HEMK2: variants seen among roughly 807,000 people sequenced by gnomAD.
The protein encoded by HEMK2 is HemK methyltransferase 2, ETF1 glutamine and histone H4 lysine.
At chr21:28,764,515 C>T in the HEMK2 span, among the ~76,000 whole-genome samples, 1 of 152,076 alleles carries the variant, frequency 6.6e-6, no homozygotes, top group Non-Finnish European at 1.5e-5. Context: ...ACTTCTAGCA[C>T]ACTTATGTCT....
At chr21:28,605,904 T>G in the HEMK2 span, among the ~76,000 whole-genome samples, 1 of 152,210 alleles carries the variant, frequency 6.6e-6, no homozygotes, top group Non-Finnish European at 1.5e-5. Flanking sequence ...ATTGAAGGTA[T>G]CCATGATATT....
the HEMK2 span, among the ~76,000 whole-genome samples, chr21:28,647,427 G>T: frequency 7.1e-6 from 1 of 141,376 alleles, no homozygotes; most frequent in African/African-American, 2.6e-5. Context: ...AGAATTGCTT[G>T]AAACTGGAAG....
At chr21:28,626,132 G>GA in the HEMK2 span, among the ~76,000 whole-genome samples, 88 of 147,060 alleles carry the variant, frequency 6.0e-4, no homozygotes, top group East Asian at 9.2e-3. Context: ...ACTATTTAAA[G>GA]AAAAAAAAAA....
At chr21:28,697,113 T>C in the HEMK2 span, among the ~76,000 whole-genome samples, 2 of 152,222 alleles carry the variant, frequency 1.3e-5, no homozygotes, top group Non-Finnish European at 2.9e-5. Context: ...GTTATTAACA[T>C]TTGGTTCCTC....
the HEMK2 span, among the ~76,000 whole-genome samples, chr21:28,817,349 T>G: frequency 2.6e-5 from 4 of 151,928 alleles, no homozygotes; most frequent in Non-Finnish European, 5.9e-5. Context: ...TAATGTATAA[T>G]GAAGAGGAAG....
the HEMK2 span, among the ~76,000 whole-genome samples, chr21:28,840,096 A>T: frequency 6.6e-6 from 1 of 152,284 alleles, no homozygotes; most frequent in East Asian, 1.9e-4. Flanking sequence ...TGACAAAGTA[A>T]ACAAAAACAT....
chr21:28,799,014 C>A, the HEMK2 span, among the ~76,000 whole-genome samples: 1 of 152,194 alleles, frequency 6.6e-6, no homozygotes, highest in African/African-American at 2.4e-5. Flanking sequence ...TAAACTGACA[C>A]TGAACTGGTG....
chr21:28,732,614 G>A, the HEMK2 span, among the ~76,000 whole-genome samples: 2 of 152,214 alleles, frequency 1.3e-5, no homozygotes, highest in Non-Finnish European at 1.5e-5. Flanking sequence ...GGCAGGAGGA[G>A]TGGATGTAAG....
At chr21:28,701,880 C>T in the HEMK2 span, among the ~76,000 whole-genome samples, 1 of 151,806 alleles carries the variant, frequency 6.6e-6, no homozygotes, top group African/African-American at 2.4e-5. Flanking sequence ...CCAAGGCAAA[C>T]CTAAGAAAAA....
the HEMK2 span, among the ~76,000 whole-genome samples, chr21:28,705,207 T>C: frequency 1.3e-5 from 2 of 152,178 alleles, no homozygotes; most frequent in African/African-American, 4.8e-5. Flanking sequence ...TTAACAAATA[T>C]TTTTTAACAT....
At chr21:28,845,428 A>T in the HEMK2 span, among the ~76,000 whole-genome samples, 1 of 152,070 alleles carries the variant, frequency 6.6e-6, no homozygotes, top group South Asian at 2.1e-4. Context: ...ATTCTTCAGT[A>T]TAAACTTTAA....
At chr21:28,841,240 ATATATATAATATAT>A in the HEMK2 span, among the ~76,000 whole-genome samples, 1 of 7,466 alleles carries the variant, frequency 1.3e-4, no homozygotes, top group Non-Finnish European at 1.8e-4. Context: ...ATATATATTT[ATATATATAATATAT>A]TATATATAAT....
At chr21:28,841,332 A>ATATT in the HEMK2 span, among the ~76,000 whole-genome samples, 1 of 10,502 alleles carries the variant, frequency 9.5e-5, no homozygotes, top group African/African-American at 1.5e-3. Context: ...ATTATATATA[A>ATATT]ATATATATTA....
At chr21:28,628,515 G>A in the HEMK2 span, among the ~76,000 whole-genome samples, 1 of 152,100 alleles carries the variant, frequency 6.6e-6, no homozygotes, top group Non-Finnish European at 1.5e-5. Context: ...GCAATGGCAC[G>A]ATCTCGGCTC....
chr21:28,776,206 C>T, the HEMK2 span, among the ~76,000 whole-genome samples: 2 of 152,146 alleles, frequency 1.3e-5, no homozygotes, highest in Non-Finnish European at 2.9e-5. Context: ...GTAAGCAGCC[C>T]TAATTAGGAT....
chr21:28,611,409 C>T, the HEMK2 span, among the ~76,000 whole-genome samples: 1 of 152,078 alleles, frequency 6.6e-6, no homozygotes, highest in Non-Finnish European at 1.5e-5. Flanking sequence ...GATATTACAA[C>T]TGATACCACA....
chr21:28,706,680 T>C, the HEMK2 span, among the ~76,000 whole-genome samples: 1 of 152,222 alleles, frequency 6.6e-6, no homozygotes, highest in African/African-American at 2.4e-5. Context: ...ACGTTATCAC[T>C]GCAGAAAAAG....
At chr21:28,598,128 T>C in the HEMK2 span, among the ~76,000 whole-genome samples, 1 of 152,172 alleles carries the variant, frequency 6.6e-6, no homozygotes, top group South Asian at 2.1e-4. Flanking sequence ...CAGGCCTGGG[T>C]TGCTCAAACT....
chr21:28,853,961 T>C, the HEMK2 span, among the ~76,000 whole-genome samples: 1 of 152,194 alleles, frequency 6.6e-6, no homozygotes, highest in Non-Finnish European at 1.5e-5. Flanking sequence ...GTCAGCCATA[T>C]ACACGATAAG....
Sources: gnomAD v4.1 joint callset for allele counts (sites outside exome capture counted in the v4.1 genomes callset) on GRCh38, gnomAD v4.1.1 for gene constraint, MANE v1.5 for transcripts, NCBI Gene and HGNC (gene_info 2026-07-23, HGNC 2026-07-21) for gene names.